ABCB1: variants seen among roughly 807,000 people sequenced by gnomAD.
ABCB1 encodes ATP binding cassette subfamily B member 1.
ABCB1 carries 69 observed loss-of-function variants against 142.0 expected under a neutral mutation model. The ratio of observed to expected loss-of-function variants is 0.49; its 90% CI spans 0.40 to 0.59. ABCB1 has a LOEUF of 0.59. Ranked by LOEUF, ABCB1 falls within the 20% of genes least tolerant of loss-of-function variation. The pLI, the probability that ABCB1 is intolerant of heterozygous loss-of-function variation, is 0.00. For missense variants in ABCB1, 1,326 were observed against 1,554.7 expected, an observed-to-expected ratio of 0.85 and a Z score of 2.47; for synonymous variants, 532 against 539.2, an observed-to-expected ratio of 0.99 and a Z score of 0.18.
chr7:87,613,080 G>C (rs1819911707), intron 1 of ABCB1, among the ~76,000 whole-genome samples: 1 of 149,448 alleles, frequency 6.7e-6, no homozygotes, highest in African/African-American at 2.5e-5. Context: ...CTTGGTCATT[G>C]GTGCATAGCA....
Position 87,617,362 on chromosome 7 carries a change from G to A in ABCB1, c.-330-16284C>T, listed in dbSNP as rs183045243. Among the ~76,000 whole-genome samples the A allele has an allele frequency of 9.2e-5, 14 of 152,280 alleles. 1 individual carries two copies. Among genetic ancestry groups the A allele is most frequent in the African/African-American group, 3.4e-4 (14 of 41,560 alleles). ...AAACTTTGGTAATGTGTATGTCAAGGATCCCCATATATTATAAAGGAGATG... is the reference window on the plus strand; with the variant it reads ...AAACTTTGGTAATGTGTATGTCAAGAATCCCCATATATTATAAAGGAGATG... On this transcript the variant is annotated intron_variant, in intron 1 of 28. Coordinates refer to the ABCB1 transcript ENST00000265724.
upstream of ABCB1, among the ~76,000 whole-genome samples, chr7:87,605,760 CA>C (rs1418774320): frequency 6.6e-6 from 1 of 151,992 alleles, no homozygotes; most frequent in African/African-American, 2.4e-5. Context: ...CAAATAAAGA[CA>C]AAAACAGCAT....
chr7:87,530,822 CAAGAAAGCAAGAAAGCAAGA>C (rs1178779531), intron 21 of ABCB1, among the ~76,000 whole-genome samples: 4,737 of 79,228 alleles, frequency 0.06, 181 homozygotes, highest in East Asian at 0.17. Flanking sequence ...AGCAAGAAAG[CAAGAAAGCAAGAAAGCAAGA>C]AAGAAAGAAA....
chr7:87,644,349 G>A (rs998010439), intron 1 of ABCB1, among the ~76,000 whole-genome samples: 5 of 152,204 alleles, frequency 3.3e-5, no homozygotes, highest in African/African-American at 1.2e-4. Context: ...CATTGATGCT[G>A]ACTGTTATTT....
intron 1 of ABCB1, among the ~76,000 whole-genome samples, chr7:87,691,138 T>C (rs1413834931): frequency 1.3e-5 from 2 of 152,118 alleles, no homozygotes; most frequent in African/African-American, 4.8e-5. Context: ...AGAAACATAT[T>C]CAGTCTTATC....
At chr7:87,608,154 C>A (rs28381789) in intron 1 of ABCB1, among the ~76,000 whole-genome samples, 28 of 152,172 alleles carry the variant, frequency 1.8e-4, no homozygotes, top group African/African-American at 6.8e-4. Flanking sequence ...GATAACCCAA[C>A]ATTGCAGTAA....
At chr7:87,706,168 C>T (rs1274871246) in intron 1 of ABCB1, among the ~76,000 whole-genome samples, 1 of 152,192 alleles carries the variant, frequency 6.6e-6, no homozygotes, top group Non-Finnish European at 1.5e-5. Flanking sequence ...ATGCATCTTT[C>T]CATCCAATAA....
chr7:87,509,523 C>T (rs1207001143), intron 25 of ABCB1, 42 bp from the exon 26 acceptor site: 1 of 1,581,800 alleles, frequency 6.3e-7, no homozygotes, highest in Non-Finnish European at 8.7e-7. Flanking sequence ...GACCAGCACA[C>T]TTTGAATGTA....
chr7:87,515,393 A>G lies in ABCB1; in HGVS notation c.3120T>C (p.Val1040=). 1 of 1,614,148 alleles carries G rather than the reference A, an allele frequency of 6.2e-7. No individual in the cohort carries two copies. The highest frequency in any genetic ancestry group is 8.5e-7 in the Non-Finnish European group (1 of 1,180,004). ...CCGGTCGGGTGGGATAGTTGAATACAACTTCACCAAATGTGACATTTCCTT... is the reference window on the plus strand; with the variant it reads ...CCGGTCGGGTGGGATAGTTGAATACGACTTCACCAAATGTGACATTTCCTT... The part of the protein sequence containing the change: ...TLEGNVTFGE[V]VFNYPTRPDI... Residue 1040 remains valine, a synonymous_variant, in exon 25 of 28, where the codon GTT becomes GTC. Transcript: ENST00000622132.
At chr7:87,701,432 A>G (rs922262505) in intron 1 of ABCB1, among the ~76,000 whole-genome samples, 1 of 152,202 alleles carries the variant, frequency 6.6e-6, no homozygotes, top group Admixed American at 6.5e-5. Context: ...TAAAACATTG[A>G]TGTTGATATC....
intron 4 of ABCB1, among the ~76,000 whole-genome samples, chr7:87,583,365 G>A (rs961875157): frequency 3.3e-5 from 5 of 152,160 alleles, no homozygotes; most frequent in African/African-American, 1.2e-4. Flanking sequence ...CAACTCCAGA[G>A]TATGTTCGCT....
chr7:87,676,346 TAATATCCAG>T (rs1438854399), intron 1 of ABCB1, among the ~76,000 whole-genome samples: 5 of 152,184 alleles, frequency 3.3e-5, no homozygotes, highest in African/African-American at 1.2e-4. Context: ...AATAAGGTGT[TAATATCCAG>T]AATATTTAAG....
rs1584836849 is a variant in ABCB1, at chr7:87,516,550, T to C, written c.3043A>G (p.Thr1015Ala). 3.7e-6 allele frequency: 6 copies of C among 1,613,914 alleles called. No homozygotes were observed. The East Asian group carries it at 1.1e-4, about 30-fold the overall frequency. Reference protein sequence around the residue: ...AAHIIMIIEKTPLIDSYSTEG... With the variant: ...AAHIIMIIEKAPLIDSYSTEG... ...GTGCTGTAGCTGTCAATCAAAGGGG[T>C]TTTTTCAATGATCATGATGATGTGG... Residue 1015 changes from threonine (T) to alanine (A), a missense_variant, in exon 24 of 28, where the codon ACC (threonine) becomes GCC (alanine). Transcript: ENST00000622132.
intron 1 of ABCB1, among the ~76,000 whole-genome samples, chr7:87,703,593 G>A (rs1829279094): frequency 6.6e-6 from 1 of 151,934 alleles, no homozygotes; most frequent in Non-Finnish European, 1.5e-5. Context: ...CTCTCAGGTT[G>A]GATCAGTTTT....
intron 3 of ABCB1, among the ~76,000 whole-genome samples, chr7:87,588,559 C>A (rs1293816942): frequency 1.3e-5 from 2 of 152,222 alleles, no homozygotes; most frequent in Non-Finnish European, 2.9e-5. Flanking sequence ...ATGTGTACCA[C>A]ATTTTCTTTA....
chr7:87,625,066 C>G (rs1292805491), intron 1 of ABCB1, among the ~76,000 whole-genome samples: 1 of 152,122 alleles, frequency 6.6e-6, no homozygotes, highest in East Asian at 1.9e-4. Flanking sequence ...ACCATCCTGG[C>G]TAACACGGTG....
chr7:87,545,964 C>T lies in ABCB1; in HGVS notation c.1786G>A (p.Asp596Asn), dbSNP rs759177745. ...AHRLSTVRNA[D>N]VIAGFDDGVI... The stretch of plus-strand genomic sequence containing the variant: ...CCATCATCGAAACCAGCGATGACGT[C>T]AGCATTACGAACTGTAGACAAACGA... Residue 596 changes from aspartate to asparagine, a missense_variant, in exon 15 of 28, where the codon GAC (aspartate) becomes AAC (asparagine). By Grantham distance (23) the Asp-to-Asn change is conservative. Coordinates refer to ENST00000622132, the MANE Select transcript of ABCB1 (RefSeq NM_001348946.2). 1 of 1,614,102 alleles carries T rather than the reference C, an allele frequency of 6.2e-7. No homozygotes were observed.
At chr7:87,711,086 G>T (rs960208639) in intron 1 of ABCB1, among the ~76,000 whole-genome samples, 1 of 151,984 alleles carries the variant, frequency 6.6e-6, no homozygotes, top group Non-Finnish European at 1.5e-5. Flanking sequence ...CAGCACTTTG[G>T]GAGGCCGAGG....
intron 1 of ABCB1, among the ~76,000 whole-genome samples, chr7:87,672,463 T>C (rs187709899): frequency 1.3e-5 from 2 of 152,278 alleles, no homozygotes; most frequent in African/African-American, 2.4e-5. Flanking sequence ...CCAGTGGGTC[T>C]TATCTTGTGG....
Sources: allele counts gnomAD v4.1 joint callset (sites outside exome capture counted in the v4.1 genomes callset), GRCh38; gene constraint gnomAD v4.1.1; transcripts MANE v1.5; gene names NCBI Gene and HGNC (gene_info 2026-07-23, HGNC 2026-07-21).